The following MYLK2 variants were observed in gnomAD, a reference collection of about 807,000 sequenced individuals.
MYLK2 encodes the protein myosin light chain kinase 2.
Under a neutral mutation model 58.2 loss-of-function variants are expected in MYLK2, and 27 were observed. The ratio of observed to expected loss-of-function variants is 0.46; its 90% confidence interval spans 0.34 to 0.64. MYLK2 has a LOEUF of 0.64. MYLK2 is among the 30% of genes least tolerant of loss of function. The probability of loss-of-function intolerance (pLI) is 0.01; values close to 1 mark genes in which losing one functional copy is unlikely to be tolerated. For synonymous variants in MYLK2, 310 were observed against 296.7 expected (o/e 1.04, Z -0.46); for missense variants, 676 against 764.3 (o/e 0.88, Z 1.36).
chr20:31,833,828 C>G lies in MYLK2; in HGVS notation c.*31C>G. The G allele has an allele frequency of 1.3e-6, 2 of 1,594,148 alleles. No individual in the cohort carries two copies. Among genetic ancestry groups the G allele is most frequent in the Non-Finnish European group, 1.7e-6 (2 of 1,166,406 alleles). On this transcript the variant is annotated 3_prime_UTR_variant, in exon 13 of 13. Transcript: ENST00000375985. ...GGGCGCAGCTGAAGCCTGGACGCAG[C>G]CACACAGTGGCCGGGGCTGAAGCCA... is the stretch of plus-strand genomic sequence containing the variant.
chr20:31,819,708 C>T (rs539609319), intron 2 of MYLK2, 76 bp downstream of exon 2: 14 of 1,500,498 alleles, frequency 9.3e-6, no homozygotes, highest in South Asian at 8.4e-5. Flanking sequence ...GCAGGTTCCT[C>T]AGTGGGAGTT....
intron 8 of MYLK2, chr20:31,827,318 T>A: frequency 3.0e-6 from 3 of 985,232 alleles, no homozygotes; most frequent in Non-Finnish European, 3.6e-6. Flanking sequence ...ACTAGGAGTG[T>A]CTGATCATTT....
Position 31,823,560 on chromosome 20 carries a change from A to G in MYLK2, c.856A>G (p.Asn286Asp), listed in dbSNP as rs2123130576. The change falls in exon 5 of 13, where the codon AAC becomes GAC. Residue 286 changes from asparagine to aspartate, a missense_variant. This residue lies in a region of MYLK2 where 370 missense variants were observed against 467.8 expected (regional missense o/e 0.79). Transcript: ENST00000375985. ...TGNVSSEFSM[N>D]SKEALGGGKF... ...GAATGTCAGCAGTGAATTCAGTATG[A>G]ACTCCAAGGAGGCGCTCGGAGGGTG... is the stretch of plus-strand genomic sequence containing the variant. The G allele has an allele frequency of 6.2e-7, 1 of 1,613,958 alleles. No homozygotes were observed. Among genetic ancestry groups the G allele is most frequent in the South Asian group, 1.1e-5 (1 of 91,088 alleles).
chr20:31,821,373 T>G, intron 3 of MYLK2, 66 bp from the exon 4 acceptor site: 2 of 1,600,672 alleles, frequency 1.2e-6, no homozygotes, highest in African/African-American at 1.3e-5. Flanking sequence ...CAGATTGCAT[T>G]GAGACTTGCC....
intron 6 of MYLK2, among the ~76,000 whole-genome samples, chr20:31,824,845 G>T (rs946881871): frequency 6.6e-6 from 1 of 152,254 alleles, no homozygotes; most frequent in Non-Finnish European, 1.5e-5. Context: ...GAGTGAGGGA[G>T]TCTGCTGTGT....
At chr20:31,828,523 C>T in intron 8 of MYLK2, 9 of 981,920 alleles carry the variant, frequency 9.2e-6, no homozygotes, top group Non-Finnish European at 9.7e-6. Context: ...GGAAATGGTC[C>T]CTGTCTCATG....
At chr20:31,827,113 G>A (rs1243018482) in intron 8 of MYLK2, 175 bp downstream of exon 8, 1 of 981,114 alleles carries the variant, frequency 1.0e-6, no homozygotes, top group African/African-American at 1.8e-5. Context: ...CAGGAGCCGG[G>A]GGCACAGCAA....
chr20:31,826,303 T>G (rs1305762919), intron 6 of MYLK2, among the ~76,000 whole-genome samples: 2 of 152,098 alleles, frequency 1.3e-5, no homozygotes, highest in African/African-American at 4.8e-5. Flanking sequence ...TGTAAAGTCA[T>G]GAGACTTTAT....
chr20:31,826,294 G>A (rs1334153403), intron 6 of MYLK2, among the ~76,000 whole-genome samples: 17 of 152,170 alleles, frequency 1.1e-4, no homozygotes, highest in Admixed American at 1.1e-3. Context: ...TGGATAAAAT[G>A]TAAAGTCATG....
In MYLK2 at chr20:31,830,799, G is replaced by T. The variant is rs368839195; in HGVS notation, c.1225-20G>T. The T allele has an allele frequency of 1.4e-5, 23 of 1,610,814 alleles. No homozygotes were observed. The African/African-American group carries it at 3.1e-4, about 22-fold the overall frequency. The stretch of plus-strand genomic sequence containing the variant: ...GTGAGCTGGTCAGAGGCCCACCCAG[G>T]CCACCCCCTTTCTCCTCAGCCAGAG... On this transcript the variant is annotated intron_variant, in intron 8 of 12. Coordinates refer to ENST00000375985, the MANE Select transcript of MYLK2 (RefSeq NM_033118.4).
chr20:31,831,755 AAC>A lies in MYLK2; in HGVS notation c.1478_1479del (p.Asn493SerfsTer9). On this transcript the variant is annotated frameshift_variant, in exon 11 of 13. Coordinates refer to ENST00000375985, the MANE Select transcript of MYLK2 (RefSeq NM_033118.4). LOFTEE classifies it high-confidence loss of function. ...LGDDDTETLNNVLSGNWYFDE... is the reference protein window; with the variant it reads ...LGDDDTETLNXVLSGNWYFDE... ...AGATGATGACACAGAGACCCTAAAC[AAC>A]GTTCTATCTGGCAACTGGTACTTTG... 2 of 1,613,988 alleles carry A rather than the reference AAC, an allele frequency of 1.2e-6. No homozygotes were observed. Among genetic ancestry groups the A allele is most frequent in the Non-Finnish European group, 1.7e-6 (2 of 1,179,976 alleles).
rs181337772 is a variant in MYLK2 at position 31,833,824 on chromosome 20, G to T, written c.*27G>T. 3.1e-3 allele frequency: 4,980 copies of T among 1,601,372 alleles called. 23 individuals carry two copies. Among genetic ancestry groups the T allele is most frequent in the Non-Finnish European group, 3.4e-3 (4,010 of 1,172,480 alleles). On this transcript the variant is annotated 3_prime_UTR_variant, in exon 13 of 13. Transcript: ENST00000375985. ...CCCTGGGCGCAGCTGAAGCCTGGACGCAGCCACACAGTGGCCGGGGCTGAA... is the reference window on the plus strand; with the variant it reads ...CCCTGGGCGCAGCTGAAGCCTGGACTCAGCCACACAGTGGCCGGGGCTGAA...
intron 8 of MYLK2, chr20:31,828,223 G>C: frequency 4.1e-6 from 4 of 985,390 alleles, no homozygotes; most frequent in Non-Finnish European, 4.8e-6. Context: ...ACTCCAGTCA[G>C]TTGTCCGTAG....
rs1307094136 is a variant in MYLK2, at chr20:31,820,420, G to A, written c.347G>A (p.Gly116Glu). 6 of 1,612,894 alleles carry A rather than the reference G, an allele frequency of 3.7e-6. No individual in the cohort carries two copies. Among genetic ancestry groups the A allele is most frequent in the Non-Finnish European group, 5.1e-6 (6 of 1,179,926 alleles). The change falls in exon 3 of 13, where the codon GGA becomes GAA. Residue 116 changes from glycine to glutamate, a missense_variant. Physicochemically the swap from Gly to Glu is moderately conservative, Grantham distance 98. Transcript: ENST00000375985. ...GTCAAGAAGCCCAAGGCTGAGCAGG[G>A]AGCCTCAGGCAGCCAGGATCCTGGA... ...TSVKKPKAEQ[G>E]ASGSQDPGKP...
At position 31,832,056 on chromosome 20, in the gene MYLK2, G is replaced by A; in HGVS notation, c.1630G>A (p.Ala544Thr). ...CLAHPWLNNL[A>T]EKAKRCNRRL... The stretch of plus-strand genomic sequence containing the variant: ...CGCCCATCCCTGGCTCAACAACCTG[G>A]CGGAGAAAGCCAAACGCTGTAACCG... The change falls in exon 12 of 13, where the codon GCG becomes ACG. Residue 544 changes from alanine (A) to threonine (T), a missense_variant. Physicochemically the swap from Ala to Thr is moderately conservative, Grantham distance 58 (BLOSUM62 0). This residue lies in a region of MYLK2 where 370 missense variants were observed against 467.8 expected (regional missense o/e 0.79). Coordinates refer to ENST00000375985, the MANE Select transcript of MYLK2 (RefSeq NM_033118.4). 1.9e-6 allele frequency: 3 copies of A among 1,606,944 alleles called. No homozygotes were observed. The highest frequency in any genetic ancestry group is 1.7e-6 in the Non-Finnish European group (2 of 1,176,656).
intron 10 of MYLK2, 95 bp from the exon 11 acceptor site, chr20:31,831,608 T>G: frequency 7.0e-7 from 1 of 1,428,820 alleles, no homozygotes; most frequent in Non-Finnish European, 9.8e-7. Flanking sequence ...CACACGGTGC[T>G]GCCTCCTAGG....
rs1475107542 is a variant in MYLK2, at chr20:31,830,848, CG to C, written c.1257del (p.His420IlefsTer3). ...AGAACATCCTGTGTGTCAACACCACCGGGCATTTGGTGAAGATCATTGACTT... is the reference window on the plus strand; with the variant it reads ...AGAACATCCTGTGTGTCAACACCACCGGCATTTGGTGAAGATCATTGACTT... ...PENILCVNTTGHLVKIIDFGL... is the reference protein window; with the variant it reads ...PENILCVNTTXHLVKIIDFGL... On this transcript the variant is annotated frameshift_variant, in exon 9 of 13. Coordinates refer to ENST00000375985, the MANE Select transcript of MYLK2 (RefSeq NM_033118.4). LOFTEE classifies it high-confidence loss of function. 4.1e-6 allele frequency: 6 copies of C among 1,449,180 alleles called. No homozygotes were observed. In the African/African-American group the frequency reaches 9.0e-5, roughly 22 times the overall value. 89.8% of individuals were successfully genotyped at this position (1,449,180 alleles called of 1,614,324 possible). A position where few individuals can be genotyped will look rare whatever the true frequency, so the allele number is the denominator to read the frequency against.
chr20:31,828,723 C>G, intron 8 of MYLK2: 1 of 985,436 alleles, frequency 1.0e-6, no homozygotes, highest in Non-Finnish European at 1.2e-6. Context: ...CAGTTTTGCT[C>G]TGTGCCCGAC....
At chr20:31,828,522 C>T (rs1400864781) in intron 8 of MYLK2, 2 of 981,342 alleles carry the variant, frequency 2.0e-6, no homozygotes, top group East Asian at 1.1e-4. Flanking sequence ...AGGAAATGGT[C>T]CCTGTCTCAT....
Sources: gnomAD v4.1 joint callset for allele counts (sites outside exome capture counted in the v4.1 genomes callset) on GRCh38, gnomAD v4.1.1 for gene constraint, gnomAD v4.1.1 regional missense constraint, MANE v1.5 for transcripts, NCBI Gene and HGNC (gene_info 2026-07-23, HGNC 2026-07-21) for gene names.